TNKS2: variants seen among roughly 807,000 people sequenced by gnomAD.
TNKS2 encodes tankyrase 2.
Under a neutral mutation model 137.6 loss-of-function variants are expected in TNKS2, and 72 were observed. The ratio of observed to expected loss-of-function variants is 0.52; its 90% CI spans 0.43 to 0.64. The LOEUF (loss-of-function observed/expected upper bound fraction) is 0.64, where lower values mean the gene tolerates loss of function less well. Among genes scored for constraint, TNKS2 ranks in the 30% least tolerant of loss-of-function variants. The pLI, the probability that TNKS2 is intolerant of heterozygous loss-of-function variation, is 0.00. For missense variants in TNKS2, 1,049 were observed against 1,410.2 expected, an observed-to-expected ratio of 0.74 and a Z score of 4.10; for synonymous variants, 516 against 512.1, an observed-to-expected ratio of 1.01 and a Z score of -0.10.
intron 17 of TNKS2, 125 bp from the exon 18 acceptor site, chr10:91,845,627 G>C: frequency 4.1e-6 from 3 of 730,500 alleles, no homozygotes; most frequent in Non-Finnish European, 6.0e-6. Flanking sequence ...GGGAGAAAGA[G>C]TTTTTCTTTT....
intron 15 of TNKS2, among the ~76,000 whole-genome samples, chr10:91,841,822 T>C (rs953274777): frequency 6.6e-6 from 1 of 152,140 alleles, no homozygotes; most frequent in Non-Finnish European, 1.5e-5. Context: ...CCAGTGGATA[T>C]TTTACAATAA....
At chr10:91,808,006 AAAAAAAG>A (rs1471493123) in intron 1 of TNKS2, among the ~76,000 whole-genome samples, 1 of 125,650 alleles carries the variant, frequency 8.0e-6, no homozygotes, top group Non-Finnish European at 1.7e-5. Context: ...AAAAAAAAAA[AAAAAAAG>A]AGTCTAGAAA....
At chr10:91,816,705 A>T (rs1844713582) in intron 2 of TNKS2, among the ~76,000 whole-genome samples, 1 of 134,346 alleles carries the variant, frequency 7.4e-6, no homozygotes. Flanking sequence ...TTTTCTTAAA[A>T]ATCCTACATA....
At chr10:91,812,863 C>T (rs1037933649) in intron 1 of TNKS2, 120 bp from the exon 2 acceptor site, 2 of 1,457,712 alleles carry the variant, frequency 1.4e-6, no homozygotes, top group African/African-American at 2.8e-5. Flanking sequence ...TTAATTAGTT[C>T]TTGAATTGTT....
chr10:91,831,452 CT>C (rs763762035), intron 11 of TNKS2, among the ~76,000 whole-genome samples: 109 of 152,222 alleles, frequency 7.2e-4, no homozygotes, highest in Non-Finnish European at 1.3e-3. Flanking sequence ...TTCTTAAGGA[CT>C]TTTCTGACCT....
chr10:91,855,555 CAAATCAGAA>C, intron 22 of TNKS2, 50 bp from the exon 23 acceptor site: 2 of 1,338,326 alleles, frequency 1.5e-6, no homozygotes, highest in East Asian at 4.8e-5. Context: ...CCATGTTCCC[CAAATCAGAA>C]AATAACACAA....
intron 24 of TNKS2, among the ~76,000 whole-genome samples, chr10:91,858,007 G>A (rs1427647057): frequency 1.3e-5 from 2 of 152,186 alleles, no homozygotes; most frequent in Non-Finnish European, 2.9e-5. Flanking sequence ...GAATTGAATT[G>A]AAAGCACAAT....
chr10:91,819,573 A>G lies in TNKS2; in HGVS notation c.633+16A>G. ...TGGCAGAAAGGTACTTCCTTTTGCA[A>G]CTGAGTTTGTGCTTATCTCCTGGTA... On this transcript the variant is annotated intron_variant, in intron 5 of 26. Transcript: ENST00000371627. The G allele has an allele frequency of 1.3e-6, 2 of 1,565,452 alleles. No individual in the cohort carries two copies. Among genetic ancestry groups the G allele is most frequent in the Non-Finnish European group, 8.6e-7 (1 of 1,160,708 alleles).
intron 14 of TNKS2, 48 bp downstream of exon 14, chr10:91,840,754 C>G (rs779131700): frequency 6.6e-7 from 1 of 1,520,642 alleles, no homozygotes; most frequent in African/African-American, 1.4e-5. Context: ...TTTTACTTGA[C>G]CTTTTTAGGA....
intron 17 of TNKS2, 38 bp downstream of exon 17, chr10:91,845,066 T>C: frequency 1.4e-6 from 2 of 1,400,694 alleles, no homozygotes; most frequent in South Asian, 2.4e-5. Context: ...ATTTGTGGAA[T>C]TTTAAAGTGA....
At chr10:91,815,886 C>T (rs1435315350) in intron 2 of TNKS2, among the ~76,000 whole-genome samples, 1 of 151,190 alleles carries the variant, frequency 6.6e-6, no homozygotes, top group Non-Finnish European at 1.5e-5. Context: ...AGAGAGTATA[C>T]TGGAATAGCT....
At chr10:91,799,744 C>T (rs1844101123) in intron 1 of TNKS2, among the ~76,000 whole-genome samples, 1 of 152,184 alleles carries the variant, frequency 6.6e-6, no homozygotes, top group Admixed American at 6.5e-5. Flanking sequence ...AGCATGCATG[C>T]TGTTCACTTG....
At chr10:91,862,872 G>T in intron 26 of TNKS2, 65 bp from the exon 27 acceptor site, 1 of 1,155,782 alleles carries the variant, frequency 8.7e-7, no homozygotes, top group Non-Finnish European at 1.3e-6. Flanking sequence ...GAATACTTCC[G>T]GAAAGTCTGT....
At position 91,859,445 on chromosome 10, in the gene TNKS2, A is replaced by G; in HGVS notation, c.3095-17A>G. On this transcript the variant is annotated splice_polypyrimidine_tract_variant and intron_variant, in intron 24 of 26. Transcript: ENST00000371627. ...GATAAATTTTAAATTATTGTTACCCATCTATATGTGTTTCAGGGTCTCCTT... is the reference window on the plus strand; with the variant it reads ...GATAAATTTTAAATTATTGTTACCCGTCTATATGTGTTTCAGGGTCTCCTT... The G allele has an allele frequency of 2.0e-6, 3 of 1,530,412 alleles. No individual in the cohort carries two copies. Among genetic ancestry groups the G allele is most frequent in the Non-Finnish European group, 1.8e-6 (2 of 1,141,798 alleles). The allele number at this position is 1,530,412 out of a possible 1,614,324, so 94.8% of individuals were successfully genotyped here.
chr10:91,821,538 T>C (rs1172977148), intron 6 of TNKS2, among the ~76,000 whole-genome samples: 1 of 152,144 alleles, frequency 6.6e-6, no homozygotes, highest in Non-Finnish European at 1.5e-5. Context: ...TGATGGTGGC[T>C]ATGGCAGCAT....
chr10:91,816,125 T>C (rs926915353), intron 2 of TNKS2, among the ~76,000 whole-genome samples: 1 of 151,932 alleles, frequency 6.6e-6, no homozygotes, highest in Non-Finnish European at 1.5e-5. Context: ...GTTTTTTGTA[T>C]TTTTAGTAGA....
intron 16 of TNKS2, among the ~76,000 whole-genome samples, chr10:91,844,006 C>G (rs966651274): frequency 6.6e-6 from 1 of 152,242 alleles, no homozygotes; most frequent in Non-Finnish European, 1.5e-5. Context: ...TTTACTTCCA[C>G]TGGCTATCAG....
intron 1 of TNKS2, among the ~76,000 whole-genome samples, chr10:91,812,422 A>G (rs928791315): frequency 3.3e-5 from 5 of 152,180 alleles, no homozygotes; most frequent in Non-Finnish European, 5.9e-5. Context: ...CTTTGAAGAC[A>G]CTGGATTTCA....
At chr10:91,819,610 A>C in intron 5 of TNKS2, 53 bp downstream of exon 5, 1 of 1,330,576 alleles carries the variant, frequency 7.5e-7, no homozygotes, top group Non-Finnish European at 1.0e-6. Flanking sequence ...CATGAAGATA[A>C]AGATGTGTTT....
Sources: allele counts gnomAD v4.1 joint callset (sites outside exome capture counted in the v4.1 genomes callset), GRCh38; gene constraint gnomAD v4.1.1; transcripts MANE v1.5; gene names NCBI Gene and HGNC (gene_info 2026-07-23, HGNC 2026-07-21).